Variants in COQ8A observed in about 807,000 individuals in gnomAD.
COQ8A encodes atypical kinase COQ8A, mitochondrial.
COQ8A carries 51 observed loss-of-function variants against 65.0 expected under a neutral mutation model. The ratio of observed to expected loss-of-function variants is 0.78; its 90% confidence interval spans 0.63 to 0.99. COQ8A has a LOEUF of 0.99. Ranked by LOEUF, COQ8A falls within the 50% of genes least tolerant of loss-of-function variation. The pLI is 0.00. For synonymous variants in COQ8A, 371 were observed against 353.2 expected (o/e 1.05, Z -0.57); for missense variants, 940 against 875.0 (o/e 1.07, Z -0.94).
chr1:226,947,594 G>A (rs1657120607), intron 1 of COQ8A, among the ~76,000 whole-genome samples: 2 of 152,132 alleles, frequency 1.3e-5, no homozygotes, highest in African/African-American at 4.8e-5. Context: ...ATCACTTGAG[G>A]TCGGGGGTTC....
At chr1:226,963,134 C>A (rs1658351285) in intron 2 of COQ8A, among the ~76,000 whole-genome samples, 1 of 152,230 alleles carries the variant, frequency 6.6e-6, no homozygotes, top group African/African-American at 2.4e-5. Flanking sequence ...ACTCTCCAAC[C>A]CTCTGCTCCC....
chr1:226,986,723 C>G lies in COQ8A; in HGVS notation c.1930C>G (p.Gln644Glu), dbSNP rs1005704437. 1 of 1,613,202 alleles carries G rather than the reference C, an allele frequency of 6.2e-7. No homozygotes were observed. Among genetic ancestry groups the G allele is most frequent in the Non-Finnish European group, 8.5e-7 (1 of 1,180,024 alleles). Residue 644 changes from glutamine (Q) to glutamate (E), a missense_variant, in exon 15 of 15, where the codon CAG (glutamine) becomes GAG (glutamate). By Grantham distance (29) the Gln-to-Glu change is conservative. Coordinates refer to ENST00000366777, the MANE Select transcript of COQ8A (RefSeq NM_020247.5). ...GGCCTACAGCAACTACTGCAAGAGG[C>G]AGGCCCAGCAGTAGGGCTGCGGGCC... ...EEAYSNYCKR[Q>E]AQQ is the part of the protein sequence containing the mutation.
At chr1:226,951,657 T>A (rs1657394873) in intron 1 of COQ8A, among the ~76,000 whole-genome samples, 1 of 152,106 alleles carries the variant, frequency 6.6e-6, no homozygotes, top group South Asian at 2.1e-4. Context: ...CCAAATTTCC[T>A]GGGACAGCTG....
Position 226,983,579 on chromosome 1 carries a change from A to G in COQ8A, c.1108A>G (p.Ser370Gly), listed in dbSNP as rs180784380. The G allele has an allele frequency of 3.2e-5, 52 of 1,613,968 alleles. No homozygotes were observed. The highest frequency in any genetic ancestry group is 5.0e-5 in the Admixed American group (3 of 60,034). The change falls in exon 9 of 15, where the codon AGT (serine) becomes GGT (glycine). Residue 370 changes from serine (S) to glycine (G), a missense_variant. Physicochemically the swap from Ser to Gly is moderately conservative, Grantham distance 56. Transcript: ENST00000366777. Reference protein sequence around the residue: ...QYPGVAQSINSDVNNLMAVLN... With the variant: ...QYPGVAQSINGDVNNLMAVLN... Reference sequence around the variant, plus strand: ...CCCTGGCGTGGCCCAGAGCATCAACAGTGATGTCAACAACCTCATGGCCGT... The same window carrying G: ...CCCTGGCGTGGCCCAGAGCATCAACGGTGATGTCAACAACCTCATGGCCGT...
At chr1:226,965,431 G>A (rs1402473731) in intron 3 of COQ8A, 21 bp downstream of exon 3, 9 of 1,601,360 alleles carry the variant, frequency 5.6e-6, no homozygotes, top group Non-Finnish European at 7.7e-6. Context: ...GAGGCCCCTG[G>A]AGGGCCGAGG....
At chr1:226,950,188 A>G (rs1029069032) in intron 1 of COQ8A, among the ~76,000 whole-genome samples, 2 of 152,148 alleles carry the variant, frequency 1.3e-5, no homozygotes, top group East Asian at 1.9e-4. Flanking sequence ...CTCTGAGCCC[A>G]TGCAGGTTCG....
At position 226,972,383 on chromosome 1, in the gene COQ8A, T is replaced by G. The variant is rs1026362568; in HGVS notation, c.656-5066T>G. On this transcript the variant is annotated intron_variant, in intron 4 of 14. Transcript: ENST00000366777. The surrounding 1 kb of genome is among the most constrained non-coding windows in gnomAD (Gnocchi z 4.3). ...TTGACCTGTGAAAACAAGGAGATGC[T>G]CATATGAGAAAAAGCAGGTCAGTGG... Among the ~76,000 whole-genome samples the G allele has an allele frequency of 1.3e-5, 2 of 152,132 alleles. No homozygotes were observed. Among genetic ancestry groups the G allele is most frequent in the Admixed American group, 1.3e-4 (2 of 15,274 alleles).
rs557660141 is a variant in COQ8A, at chr1:226,970,896, AGT to A, written c.655+5162_655+5163del. 1.4e-3 allele frequency among the ~76,000 whole-genome samples: 212 copies of A among 151,946 alleles called. 1 individual carries two copies. Among genetic ancestry groups the A allele is most frequent in the African/African-American group, 4.9e-3 (202 of 41,472 alleles). Reference sequence around the variant, plus strand: ...TCTGAGGAACTCTCCTCTCTCTTACAGTGTAGTCTGTTAATCATGAATTCTTT... The same window carrying A: ...TCTGAGGAACTCTCCTCTCTCTTACAGTAGTCTGTTAATCATGAATTCTTT... On this transcript the variant is annotated intron_variant, in intron 4 of 14. Transcript: ENST00000366777.
rs10916073 is a variant in COQ8A at position 226,978,557 on chromosome 1, C to G, written c.730+1034C>G. ...GCACCTCCTTACCCTCCACACACCC[C>G]CCACAGCCACACACCACCTTACACA... On this transcript the variant is annotated intron_variant, in intron 5 of 14. Coordinates refer to ENST00000366777, the MANE Select transcript of COQ8A (RefSeq NM_020247.5). Among the ~76,000 whole-genome samples, 2 of 67,946 alleles carry G rather than the reference C, an allele frequency of 2.9e-5. 1 individual carries two copies. The highest frequency in any genetic ancestry group is 7.3e-5 in the African/African-American group (2 of 27,528). The allele number at this position is 67,946 out of a possible 152,430, so 44.6% of individuals were successfully genotyped here.
chr1:226,965,777 T>A, intron 4 of COQ8A, 40 bp downstream of exon 4: 7 of 1,589,138 alleles, frequency 4.4e-6, no homozygotes, highest in Non-Finnish European at 6.0e-6. Context: ...TCACCTGCCC[T>A]GCCTGGGCAC....
At chr1:226,961,288 T>C in intron 1 of COQ8A, 89 bp from the exon 2 acceptor site, 1 of 1,429,922 alleles carries the variant, frequency 7.0e-7, no homozygotes, top group South Asian at 1.2e-5. Flanking sequence ...CCTCTGGACC[T>C]TCTGCTCAGA....
chr1:226,982,622 C>A, intron 6 of COQ8A, 56 bp from the exon 7 acceptor site: 1 of 1,585,124 alleles, frequency 6.3e-7, no homozygotes, highest in South Asian at 1.1e-5. Flanking sequence ...CCGCCCAGGT[C>A]CTGGGCGCAC....
At chr1:226,959,723 CGGAGTGG>C (rs1558186489) in intron 1 of COQ8A, among the ~76,000 whole-genome samples, 1 of 152,224 alleles carries the variant, frequency 6.6e-6, no homozygotes, top group Non-Finnish European at 1.5e-5. Flanking sequence ...CTCCTTCCAG[CGGAGTGG>C]GTGCTCACCA....
chr1:226,957,023 C>A (rs1208261238), intron 1 of COQ8A, among the ~76,000 whole-genome samples: 11 of 147,608 alleles, frequency 7.5e-5, no homozygotes, highest in Non-Finnish European at 1.6e-4. Context: ...GGCTGCCACT[C>A]CCTCGTTCAC....
rs781548895 is a variant in COQ8A at position 226,984,151 on chromosome 1, C to CA, written c.1315dup (p.Ser439LysfsTer59). On this transcript the variant is annotated frameshift_variant, in exon 11 of 15. Transcript: ENST00000366777. LOFTEE classifies it high-confidence loss of function. The stretch of plus-strand genomic sequence containing the variant: ...TGCCTGAGATTGTGGATGAGCTCTG[C>CA]AGCCCACATGTGCTGACCACAGAGC... The CA allele has an allele frequency of 3.1e-6, 5 of 1,613,760 alleles. No homozygotes were observed. The African/African-American group carries it at 6.7e-5, about 22-fold the overall frequency.
At chr1:226,970,594 T>G (rs550341144) in intron 4 of COQ8A, among the ~76,000 whole-genome samples, 4 of 152,392 alleles carry the variant, frequency 2.6e-5, no homozygotes, top group South Asian at 4.1e-4. Context: ...TTAGCTCTTA[T>G]GTTTTACATT....
chr1:226,982,324 G>T, intron 6 of COQ8A, 175 bp downstream of exon 6: 1 of 963,632 alleles, frequency 1.0e-6, no homozygotes, highest in East Asian at 2.6e-5. Context: ...TGGGTCCAAA[G>T]AAACACATGG....
chr1:226,984,116 T>C lies in COQ8A; in HGVS notation c.1279T>C (p.Phe427Leu). The C allele has an allele frequency of 6.2e-7, 1 of 1,613,686 alleles. No homozygotes were observed. Among genetic ancestry groups the C allele is most frequent in the Non-Finnish European group, 8.5e-7 (1 of 1,179,976 alleles). Residue 427 changes from phenylalanine (F) to leucine (L), a missense_variant, in exon 11 of 15, where the codon TTC becomes CTC. Physicochemically the swap from Phe to Leu is conservative, Grantham distance 22. Coordinates refer to ENST00000366777, the MANE Select transcript of COQ8A (RefSeq NM_020247.5). ...KFRDLLKGHP[F>L]FYVPEIVDEL... ...CAGGGACCTGCTGAAGGGCCACCCC[T>C]TCTTCTATGTGCCTGAGATTGTGGA...
At chr1:226,951,821 G>A (rs1558181180) in intron 1 of COQ8A, among the ~76,000 whole-genome samples, 1 of 152,060 alleles carries the variant, frequency 6.6e-6, no homozygotes, top group Non-Finnish European at 1.5e-5. Context: ...ATATGTAAAC[G>A]AATGAGCTAT....
Sources: allele counts gnomAD v4.1 joint callset (sites outside exome capture counted in the v4.1 genomes callset), GRCh38; gene constraint gnomAD v4.1.1; non-coding constraint Gnocchi (gnomAD v3.1); transcripts MANE v1.5; gene names NCBI Gene and HGNC (gene_info 2026-07-23, HGNC 2026-07-21).